Variants in ATP2B1 observed in about 807,000 individuals in gnomAD.
The protein encoded by ATP2B1 is plasma membrane calcium-transporting ATPase 1.
Under a neutral mutation model 124.2 loss-of-function variants are expected in ATP2B1, and 14 were observed. That is an observed-to-expected ratio of 0.11 (90% CI 0.07 to 0.18). The LOEUF (loss-of-function observed/expected upper bound fraction) is 0.18, where lower values mean the gene tolerates loss of function less well. ATP2B1 is among the 10% of genes least tolerant of loss of function. ATP2B1 has a pLI of 1.00. For synonymous variants in ATP2B1, 449 were observed against 492.4 expected (o/e 0.91, Z 1.17); for missense variants, 763 against 1,466.1 (o/e 0.52, Z 7.83).
At chr12:89,677,971 T>TATATATATATATATAC (rs1461216851) in intron 1 of ATP2B1, among the ~76,000 whole-genome samples, 13 of 52,318 alleles carry the variant, frequency 2.5e-4, no homozygotes, top group African/African-American at 9.1e-4. Context: ...TATATATATA[T>TATATATATATATATAC]ACACACACAC....
At chr12:89,695,147 C>T (rs541208010) in intron 1 of ATP2B1, among the ~76,000 whole-genome samples, 4 of 151,538 alleles carry the variant, frequency 2.6e-5, no homozygotes, top group South Asian at 2.1e-4. Flanking sequence ...GATTCTAGAA[C>T]GCTTTTCTTC....
chr12:89,672,285 T>C (rs1247572835), intron 1 of ATP2B1, among the ~76,000 whole-genome samples: 1 of 152,024 alleles, frequency 6.6e-6, no homozygotes, highest in African/African-American at 2.4e-5. Flanking sequence ...TGAAACCCCG[T>C]CTCTATTAAA....
At chr12:89,659,273 T>C (rs1352028405) in intron 1 of ATP2B1, among the ~76,000 whole-genome samples, 4 of 152,128 alleles carry the variant, frequency 2.6e-5, no homozygotes, top group Non-Finnish European at 5.9e-5. Flanking sequence ...AAAGCACATG[T>C]AGGCCTCCTG....
intron 1 of ATP2B1, among the ~76,000 whole-genome samples, chr12:89,691,215 A>G (rs1302686256): frequency 6.6e-6 from 1 of 152,098 alleles, no homozygotes; most frequent in Non-Finnish European, 1.5e-5. Context: ...GAGGGCTATT[A>G]TATGGATTAA....
In ATP2B1 at chr12:89,661,050, A is replaced by T. The variant is rs1278832642; in HGVS notation, c.-221-4943T>A. 3.9e-5 allele frequency among the ~76,000 whole-genome samples: 6 copies of T among 152,192 alleles called. No individual in the cohort carries two copies. The South Asian group carries it at 1.2e-3, about 31-fold the overall frequency. ...CAAATTATTGATTTAGGGTTTAAAA[A>T]AAAATCTTCTAAAGATAAAGACACT... On this transcript the variant is annotated intron_variant, in intron 1 of 20. Transcript: ENST00000428670.
chr12:89,708,335 C>G (rs578216836), intron 1 of ATP2B1, among the ~76,000 whole-genome samples: 5 of 152,304 alleles, frequency 3.3e-5, no homozygotes, highest in African/African-American at 1.2e-4. Flanking sequence ...CCCTCGGGCC[C>G]GGAGCAGCGA....
At chr12:89,609,748 T>C (rs763732779) in intron 15 of ATP2B1, among the ~76,000 whole-genome samples, 189 bp downstream of exon 15, 6 of 152,222 alleles carry the variant, frequency 3.9e-5, no homozygotes, top group African/African-American at 1.4e-4. Context: ...TCAGATTTCA[T>C]GACATCAAAT....
intron 13 of ATP2B1, among the ~76,000 whole-genome samples, chr12:89,610,885 A>G (rs1287839210): frequency 6.6e-6 from 1 of 152,212 alleles, no homozygotes; most frequent in African/African-American, 2.4e-5. Flanking sequence ...AATATGCTCC[A>G]TATCAGCCTT....
chr12:89,647,225 T>C (rs573856625), intron 2 of ATP2B1, among the ~76,000 whole-genome samples: 30 of 152,214 alleles, frequency 2.0e-4, no homozygotes, highest in Non-Finnish European at 2.4e-4. Context: ...ATGCATGGAA[T>C]TGATCTTCTT....
At chr12:89,708,022 C>T (rs1297028688) in intron 1 of ATP2B1, among the ~76,000 whole-genome samples, 1 of 152,204 alleles carries the variant, frequency 6.6e-6, no homozygotes, top group Admixed American at 6.5e-5. Context: ...AGGAGAAAGA[C>T]CAGGCGGCTC....
intron 3 of ATP2B1, among the ~76,000 whole-genome samples, chr12:89,641,163 T>A (rs371433641): frequency 6.6e-6 from 1 of 152,300 alleles, no homozygotes; most frequent in African/African-American, 2.4e-5. Context: ...ATGCTAGATT[T>A]CCTACCAGTT....
intron 1 of ATP2B1, among the ~76,000 whole-genome samples, chr12:89,703,103 G>C (rs1892047851): frequency 6.6e-6 from 1 of 152,142 alleles, no homozygotes; most frequent in Non-Finnish European, 1.5e-5. Flanking sequence ...CAACAGTCTT[G>C]AGATGAACCT....
chr12:89,664,798 A>G (rs1565890044), intron 1 of ATP2B1, among the ~76,000 whole-genome samples: 1 of 152,108 alleles, frequency 6.6e-6, no homozygotes, highest in Non-Finnish European at 1.5e-5. Context: ...TTGATCCAAA[A>G]GTTTCCTCAA....
chr12:89,633,173 T>C (rs1005932016), intron 5 of ATP2B1, among the ~76,000 whole-genome samples: 1 of 152,148 alleles, frequency 6.6e-6, no homozygotes, highest in Non-Finnish European at 1.5e-5. Context: ...TAGAATGAGT[T>C]AACACATTAT....
intron 1 of ATP2B1, 42 bp from the exon 2 acceptor site, chr12:89,656,149 A>C (rs1017633350): frequency 3.0e-5 from 13 of 427,530 alleles, no homozygotes; most frequent in Admixed American, 7.8e-5. Flanking sequence ...AATCTATCTT[A>C]AGAGTATTAT....
chr12:89,616,849 G>A lies in ATP2B1; in HGVS notation c.2020C>T (p.Leu674Phe). The A allele has an allele frequency of 6.2e-7, 1 of 1,614,078 alleles. No homozygotes were observed. The highest frequency in any genetic ancestry group is 8.5e-7 in the Non-Finnish European group (1 of 1,179,964). ...ATCCCCACAACAGCAATGCATGTAA[G>A]GCCGGTGACAATATCATTTTCATTA... Reference protein sequence around the residue: ...WDNENDIVTGLTCIAVVGIED... With the variant: ...WDNENDIVTGFTCIAVVGIED... The change falls in exon 12 of 21, where the codon CTT (leucine) becomes TTT (phenylalanine). Residue 674 changes from leucine (L) to phenylalanine (F), a missense_variant. By Grantham distance (22) the Leu-to-Phe change is conservative. Coordinates refer to ENST00000428670, the MANE Select transcript of ATP2B1 (RefSeq NM_001366521.1).
chr12:89,670,839 G>A (rs988829813), intron 1 of ATP2B1, among the ~76,000 whole-genome samples: 5 of 150,784 alleles, frequency 3.3e-5, no homozygotes, highest in African/African-American at 1.2e-4. Flanking sequence ...TAAATGTAAA[G>A]AGAAAAGGAA....
intron 2 of ATP2B1, among the ~76,000 whole-genome samples, chr12:89,654,252 T>TTTG (rs1885674400): frequency 6.6e-6 from 1 of 152,202 alleles, no homozygotes; most frequent in Admixed American, 6.5e-5. Flanking sequence ...TGCAACCAAT[T>TTTG]TTGTCAAATT....
intron 15 of ATP2B1, among the ~76,000 whole-genome samples, chr12:89,608,736 GCAATAAGAATC>G: frequency 6.6e-6 from 1 of 152,192 alleles, no homozygotes; most frequent in South Asian, 2.1e-4. Flanking sequence ...AATGTAAATA[GCAATAAGAATC>G]CTGCTAAATG....
Sources: allele counts gnomAD v4.1 joint callset (sites outside exome capture counted in the v4.1 genomes callset), GRCh38; gene constraint gnomAD v4.1.1; transcripts MANE v1.5; gene names NCBI Gene and HGNC (gene_info 2026-07-23, HGNC 2026-07-21).